The following FERRY3 variants were observed in gnomAD, a reference collection of about 807,000 sequenced individuals.
FERRY3 encodes the protein FERRY endosomal RAB5 effector complex subunit 3.
At chr12:4,512,372 C>T in the FERRY3 span, among the ~76,000 whole-genome samples, 1 of 152,224 alleles carries the variant, frequency 6.6e-6, no homozygotes, top group Non-Finnish European at 1.5e-5. Context: ...AAGAGGGAAT[C>T]CTCCCTAACT....
the FERRY3 span, chr12:4,525,560 AC>A: frequency 2.5e-6 from 4 of 1,611,308 alleles, no homozygotes; most frequent in Non-Finnish European, 3.4e-6. Context: ...TTCCTGCATG[AC>A]TTTTTCCATT....
the FERRY3 span, among the ~76,000 whole-genome samples, chr12:4,537,866 C>T: frequency 6.6e-6 from 1 of 152,070 alleles, no homozygotes; most frequent in Non-Finnish European, 1.5e-5. Flanking sequence ...CGCATATGTT[C>T]GCTAAAGTAC....
At chr12:4,504,908 G>GC in the FERRY3 span, among the ~76,000 whole-genome samples, 4 of 152,270 alleles carry the variant, frequency 2.6e-5, no homozygotes, top group Middle Eastern at 3.4e-3. Flanking sequence ...TTCAAGACCA[G>GC]CCCGGCCAAC....
the FERRY3 span, chr12:4,489,967 T>C: frequency 9.7e-7 from 1 of 1,028,218 alleles, no homozygotes; most frequent in Non-Finnish European, 1.5e-6. Context: ...ATTTTAGAAG[T>C]ATTTTAAAAT....
the FERRY3 span, among the ~76,000 whole-genome samples, chr12:4,491,975 G>A: frequency 1.3e-5 from 2 of 152,132 alleles, no homozygotes; most frequent in African/African-American, 2.4e-5. Flanking sequence ...AGCTACTTGA[G>A]AGGTTGAAGC....
the FERRY3 span, among the ~76,000 whole-genome samples, chr12:4,511,001 G>C: frequency 2.4e-4 from 36 of 150,632 alleles, no homozygotes; most frequent in Non-Finnish European, 3.6e-4. Flanking sequence ...ACCCATCTCA[G>C]GTGCAGAGAC....
chr12:4,495,804 G>T, the FERRY3 span, among the ~76,000 whole-genome samples: 1 of 152,148 alleles, frequency 6.6e-6, no homozygotes, highest in African/African-American at 2.4e-5. Flanking sequence ...GCAAGTATTT[G>T]TGATACAAAT....
chr12:4,535,909 G>T, the FERRY3 span: 1 of 862,750 alleles, frequency 1.2e-6, no homozygotes. The surrounding 1 kb of genome is among the most constrained non-coding windows in gnomAD (Gnocchi z 4.0). Flanking sequence ...CCTATGTTAT[G>T]GCTGTTTCCA....
At chr12:4,491,259 A>G in the FERRY3 span, 2 of 1,580,702 alleles carry the variant, frequency 1.3e-6, no homozygotes, top group African/African-American at 2.7e-5. Context: ...AAAACATAAG[A>G]TATGTTTTTG....
the FERRY3 span, among the ~76,000 whole-genome samples, chr12:4,497,618 A>G: frequency 6.6e-6 from 1 of 152,230 alleles, no homozygotes; most frequent in African/African-American, 2.4e-5. Context: ...AAATAAAAGG[A>G]AGTTGAGAAT....
At chr12:4,526,415 A>G in the FERRY3 span, among the ~76,000 whole-genome samples, 1 of 152,222 alleles carries the variant, frequency 6.6e-6, no homozygotes, top group Non-Finnish European at 1.5e-5. Context: ...GAAATTAAAG[A>G]TTATCTTCTA....
chr12:4,488,718 A>G, the FERRY3 span: 2 of 152,206 alleles, frequency 1.3e-5, no homozygotes, highest in Non-Finnish European at 2.9e-5. The surrounding 1 kb of genome is among the most constrained non-coding windows in gnomAD (Gnocchi z 4.9). Context: ...ATGACACCAA[A>G]TGCCCTCCAT....
At chr12:4,504,215 C>T in the FERRY3 span, among the ~76,000 whole-genome samples, 19 of 152,074 alleles carry the variant, frequency 1.2e-4, no homozygotes, top group African/African-American at 4.3e-4. Context: ...TGAGTGACGG[C>T]GGTTTCGTGT....
At chr12:4,503,764 A>G in the FERRY3 span, among the ~76,000 whole-genome samples, 1 of 152,220 alleles carries the variant, frequency 6.6e-6, no homozygotes, top group Non-Finnish European at 1.5e-5. Flanking sequence ...AGTGAATTCA[A>G]TCAGAAACAG....
At chr12:4,515,403 T>C in the FERRY3 span, among the ~76,000 whole-genome samples, 1 of 152,184 alleles carries the variant, frequency 6.6e-6, no homozygotes, top group African/African-American at 2.4e-5. Context: ...ATCAAGATAC[T>C]AAAAACACAC....
At chr12:4,493,863 C>T in the FERRY3 span, among the ~76,000 whole-genome samples, 6 of 152,110 alleles carry the variant, frequency 3.9e-5, no homozygotes, top group Admixed American at 2.0e-4. Flanking sequence ...GAGGCCGAGG[C>T]AGGCGGATCA....
At chr12:4,494,804 G>A in the FERRY3 span, among the ~76,000 whole-genome samples, 5 of 152,212 alleles carry the variant, frequency 3.3e-5, no homozygotes, top group African/African-American at 1.2e-4. Flanking sequence ...GGCTGTTTCA[G>A]GTCCTGTGCA....
At chr12:4,533,245 G>C in the FERRY3 span, among the ~76,000 whole-genome samples, 2 of 152,076 alleles carry the variant, frequency 1.3e-5, no homozygotes, top group Admixed American at 6.6e-5. Flanking sequence ...TTTGAGTTCT[G>C]GATTCTATCC....
At chr12:4,508,607 C>T in the FERRY3 span, among the ~76,000 whole-genome samples, 25 of 151,984 alleles carry the variant, frequency 1.6e-4, no homozygotes, top group African/African-American at 4.6e-4. Flanking sequence ...TAGCCAGGCA[C>T]GGTGGTACAC....
Sources: allele counts gnomAD v4.1 joint callset (sites outside exome capture counted in the v4.1 genomes callset), GRCh38; gene constraint gnomAD v4.1.1; non-coding constraint Gnocchi (gnomAD v3.1); transcripts MANE v1.5; gene names NCBI Gene and HGNC (gene_info 2026-07-23, HGNC 2026-07-21).